FN1: variants seen among roughly 807,000 people sequenced by gnomAD.
The protein encoded by FN1 is fibronectin 1, also known as fibronectin.
A neutral mutation model predicts 297.3 loss-of-function variants in FN1; 106 were observed. The ratio of observed to expected loss-of-function variants is 0.36; its 90% CI spans 0.30 to 0.42. FN1 has a LOEUF of 0.42. Among genes scored for constraint, FN1 ranks in the 10% least tolerant of loss-of-function variants. The pLI is 1.00. For missense variants in FN1, 2,690 were observed against 3,124.9 expected, an observed-to-expected ratio of 0.86 and a Z score of 3.32; for synonymous variants, 1,149 against 1,152.6, an observed-to-expected ratio of 1.00 and a Z score of 0.06.
At position 215,397,173 on chromosome 2, in the gene FN1, C is replaced by T; in HGVS notation, c.3568G>A (p.Val1190Met). The T allele has an allele frequency of 1.2e-6, 2 of 1,613,990 alleles. No homozygotes were observed. The highest frequency in any genetic ancestry group is 1.3e-5 in the African/African-American group (1 of 75,040). Residue 1190 changes from valine (V) to methionine (M), a missense_variant, in exon 23 of 46, where the codon GTG becomes ATG. This residue lies in a region of FN1 where 1,743 missense variants were observed against 1,945.2 expected (regional missense o/e 0.90). Transcript: ENST00000354785. ...CTCCTCTCCCAGGAGACTGTGAGCA[C>T]TCCAGTGTCAGGGTTTGCCTCCAGA... ...LHLEANPDTGVLTVSWERSTT... is the reference protein window; with the variant it reads ...LHLEANPDTGMLTVSWERSTT...
In FN1 at chr2:215,383,428, A is replaced by G. The variant is rs766616131; in HGVS notation, c.4950T>C (p.Ser1650=). ...QVTDVQDNSI[S]VKWLPSSSPV... is the part of the protein sequence containing the mutation. ...GGGAACTTGAAGGCAGCCACTTGACACTAATGCTGTTGTCCTGAACATCGG... is the reference window on the plus strand; with the variant it reads ...GGGAACTTGAAGGCAGCCACTTGACGCTAATGCTGTTGTCCTGAACATCGG... The change falls in exon 31 of 46, where the codon AGT becomes AGC. Residue 1650 remains serine (S), a synonymous_variant. Transcript: ENST00000354785. 123 of 1,613,956 alleles carry G rather than the reference A, an allele frequency of 7.6e-5. No individual in the cohort carries two copies. The highest frequency in any genetic ancestry group is 1.0e-4 in the Non-Finnish European group (121 of 1,179,960).
intron 4 of FN1, among the ~76,000 whole-genome samples, chr2:215,431,428 A>G (rs1455036039): frequency 1.3e-5 from 2 of 152,356 alleles, no homozygotes; most frequent in East Asian, 3.9e-4. Flanking sequence ...AGAAATGAGC[A>G]GAGTGTGACA....
At chr2:215,378,074 C>T in intron 35 of FN1, 101 bp downstream of exon 35, 1 of 822,368 alleles carries the variant, frequency 1.2e-6, no homozygotes, top group East Asian at 2.5e-5. Context: ...TCCCAAAGTG[C>T]TTGGATTTTA....
At chr2:215,408,621 G>C (rs1251104143) in intron 15 of FN1, among the ~76,000 whole-genome samples, 195 bp from the exon 16 acceptor site, 1 of 152,188 alleles carries the variant, frequency 6.6e-6, no homozygotes, top group East Asian at 1.9e-4. Flanking sequence ...AGGCTGGAGT[G>C]CAGTGGCACA....
intron 6 of FN1, among the ~76,000 whole-genome samples, chr2:215,426,589 G>A (rs1208565322): frequency 1.3e-5 from 2 of 152,066 alleles, no homozygotes; most frequent in East Asian, 1.9e-4. Context: ...ACCCAAAGAT[G>A]TTCACAGACA....
At position 215,414,869 on chromosome 2, in the gene FN1, G is replaced by T; in HGVS notation, c.1909C>A (p.His637Asn). ...CACCTGAGAATGTACTTGGAAATGT[G>T]AGATGGCTGTGGTGCATTCCACTGG... ...PIQWNAPQPS[H>N]ISKYILRWRP... Residue 637 changes from histidine to asparagine, a missense_variant, in exon 13 of 46, where the codon CAC (histidine) becomes AAC (asparagine). Physicochemically the swap from His to Asn is moderately conservative, Grantham distance 68 (BLOSUM62 1). This residue lies in a region of FN1 where 876 missense variants were observed against 1,058.1 expected (regional missense o/e 0.83). Transcript: ENST00000354785. 1 of 1,613,804 alleles carries T rather than the reference G, an allele frequency of 6.2e-7. No individual in the cohort carries two copies. The highest frequency in any genetic ancestry group is 8.5e-7 in the Non-Finnish European group (1 of 1,179,716).
chr2:215,404,299 G>GTTTTTTT (rs1553632344), intron 20 of FN1, 90 bp downstream of exon 20: 17 of 1,080,074 alleles, frequency 1.6e-5, no homozygotes, highest in African/African-American at 4.8e-5. Context: ...ATTTTTTAAT[G>GTTTTTTT]TTTTTTTTGT....
Position 215,365,639 on chromosome 2 carries a change from G to A in FN1, c.7019-9C>T, listed in dbSNP as rs1437681391. 6.2e-7 allele frequency: 1 copy of A among 1,613,864 alleles called. No homozygotes were observed. The highest frequency in any genetic ancestry group is 1.1e-5 in the South Asian group (1 of 91,082). ...ATTGTCATGGCACCATCCTGTAGGG[G>A]TGGGGAAAGTCAGGACCAAAAAGTT... On this transcript the variant is annotated splice_polypyrimidine_tract_variant and intron_variant, in intron 42 of 45. Transcript: ENST00000354785.
At chr2:215,422,425 G>A (rs1161386488) in intron 9 of FN1, among the ~76,000 whole-genome samples, 182 bp from the exon 10 acceptor site, 2 of 152,166 alleles carry the variant, frequency 1.3e-5, no homozygotes, top group South Asian at 2.1e-4. Flanking sequence ...AGCCCTGGAG[G>A]CAGAAAACGT....
At chr2:215,413,746 T>C (rs972699416) in intron 13 of FN1, among the ~76,000 whole-genome samples, 3 of 152,238 alleles carry the variant, frequency 2.0e-5, no homozygotes, top group African/African-American at 7.2e-5. Flanking sequence ...ACAAATACCC[T>C]TAAAGAAAAG....
At chr2:215,423,041 C>T (rs1382047638) in intron 9 of FN1, among the ~76,000 whole-genome samples, 1 of 152,160 alleles carries the variant, frequency 6.6e-6, no homozygotes, top group African/African-American at 2.4e-5. Context: ...TTTACAAAGA[C>T]AAACCTGTGC....
intron 40 of FN1, 133 bp from the exon 41 acceptor site, chr2:215,370,565 AAAAG>A: frequency 1.3e-6 from 1 of 797,030 alleles, no homozygotes; most frequent in Non-Finnish European, 2.0e-6. Flanking sequence ...AAAAAAAAAA[AAAAG>A]AGGGAGGGTA....
intron 8 of FN1, among the ~76,000 whole-genome samples, chr2:215,423,833 C>G (rs958265250): frequency 5.3e-5 from 8 of 151,906 alleles, no homozygotes; most frequent in African/African-American, 1.2e-4. Context: ...AAACATTCAT[C>G]CTTTGTATTC....
intron 28 of FN1, 123 bp from the exon 29 acceptor site, chr2:215,385,099 G>GTAAT: frequency 1.4e-6 from 1 of 717,646 alleles, no homozygotes. Flanking sequence ...AATACTACGT[G>GTAAT]TAATTAGCAG....
chr2:215,369,592 A>AT (rs1161338514), intron 41 of FN1, among the ~76,000 whole-genome samples: 1 of 152,190 alleles, frequency 6.6e-6, no homozygotes, highest in Non-Finnish European at 1.5e-5. Flanking sequence ...ATTATCCCCT[A>AT]TCTCATGTGC....
At chr2:215,414,807 G>C in intron 13 of FN1, 30 bp downstream of exon 13, 1 of 1,613,622 alleles carries the variant, frequency 6.2e-7, no homozygotes, top group Non-Finnish European at 8.5e-7. Flanking sequence ...AGGAGACTCA[G>C]TATCCAAGGT....
chr2:215,366,319 A>C (rs1016275313), intron 42 of FN1, among the ~76,000 whole-genome samples: 1 of 152,152 alleles, frequency 6.6e-6, no homozygotes, highest in Non-Finnish European at 1.5e-5. Flanking sequence ...TTAGGAATAG[A>C]TCCTAGATGA....
At chr2:215,425,709 T>C (rs193179119) in intron 6 of FN1, among the ~76,000 whole-genome samples, 50 of 152,034 alleles carry the variant, frequency 3.3e-4, no homozygotes, top group Admixed American at 1.5e-3. Context: ...CGCACCACCA[T>C]GCCCAGCTGA....
chr2:215,366,178 G>T (rs2054572165), intron 42 of FN1, among the ~76,000 whole-genome samples: 1 of 151,878 alleles, frequency 6.6e-6, no homozygotes, highest in African/African-American at 2.4e-5. Flanking sequence ...CCATTTTCTA[G>T]GGCATTTTAA....
Sources: allele counts gnomAD v4.1 joint callset (sites outside exome capture counted in the v4.1 genomes callset), GRCh38; gene constraint gnomAD v4.1.1; regional missense constraint gnomAD v4.1.1; transcripts MANE v1.5; gene names NCBI Gene and HGNC (gene_info 2026-07-23, HGNC 2026-07-21).